SUN5: variants seen among roughly 807,000 people sequenced by gnomAD.
SUN5 encodes Sad1 and UNC84 domain containing 5.
A neutral mutation model predicts 53.7 loss-of-function variants in SUN5; 44 were observed. The observed-to-expected ratio is 0.82, with a 90% CI of 0.64 to 1.05. SUN5 has a LOEUF of 1.05. Among genes scored for constraint, SUN5 ranks in the 50% least tolerant of loss-of-function variants. The pLI is 0.00. For synonymous variants in SUN5, 166 were observed against 179.8 expected (o/e 0.92, Z 0.62); for missense variants, 433 against 483.8 (o/e 0.90, Z 0.98).
intron 8 of SUN5, among the ~76,000 whole-genome samples, chr20:32,994,617 G>A (rs1262316816): frequency 6.6e-6 from 1 of 152,182 alleles, no homozygotes; most frequent in Non-Finnish European, 1.5e-5. Context: ...TAAGAACTAA[G>A]GCTGGATGCA....
At chr20:32,987,600 C>T in intron 10 of SUN5, 60 bp downstream of exon 10, 1 of 1,320,848 alleles carries the variant, frequency 7.6e-7, no homozygotes, top group Non-Finnish European at 1.0e-6. Context: ...CAGCTCCTGT[C>T]CCCAAACCCT....
intron 1 of SUN5, among the ~76,000 whole-genome samples, chr20:33,004,030 C>T (rs67236797): frequency 0.17 from 25,145 of 152,238 alleles, 2,472 homozygotes; most frequent in Admixed American, 0.24. Context: ...TCCCCGTCCT[C>T]TGTGCATTTC....
chr20:33,003,292 G>C (rs1469833047), intron 1 of SUN5, among the ~76,000 whole-genome samples: 1 of 152,164 alleles, frequency 6.6e-6, no homozygotes, highest in African/African-American at 2.4e-5. Context: ...GTCTGCAGGG[G>C]TGAGGTAGGG....
intron 4 of SUN5, 72 bp downstream of exon 4, chr20:33,001,140 G>A (rs1374151860): frequency 6.7e-7 from 1 of 1,503,616 alleles, no homozygotes; most frequent in Non-Finnish European, 9.1e-7. Flanking sequence ...CCAAACTGAT[G>A]GAGGGGCTGT....
Position 33,001,231 on chromosome 20 carries a change from C to T in SUN5, c.259G>A (p.Val87Ile), listed in dbSNP as rs1338003872. The change falls in exon 4 of 13, where the codon GTT becomes ATT. Residue 87 changes from valine (V) to isoleucine (I), a missense_variant. Physicochemically the swap from Val to Ile is conservative, Grantham distance 29. Coordinates refer to ENST00000356173, the MANE Select transcript of SUN5 (RefSeq NM_080675.4). ...ACSLRTQAQQ[V>I]LFNTCRCKLL... The stretch of plus-strand genomic sequence containing the variant: ...GCTCACCTGCACGTGTTAAACAGAA[C>T]CTGCTGGGCCTGAGTTCTCAGGGAG... The T allele has an allele frequency of 1.8e-5, 28 of 1,576,216 alleles. No individual in the cohort carries two copies. Among genetic ancestry groups the T allele is most frequent in the Non-Finnish European group, 2.3e-5 (27 of 1,158,528 alleles).
chr20:32,988,157 G>T (rs1179477412), intron 9 of SUN5, among the ~76,000 whole-genome samples: 1 of 152,140 alleles, frequency 6.6e-6, no homozygotes, highest in Non-Finnish European at 1.5e-5. Flanking sequence ...ATCAGAGCAC[G>T]TTTCCCAAAG....
chr20:32,988,992 C>A (rs577834198), intron 9 of SUN5, among the ~76,000 whole-genome samples: 2 of 152,124 alleles, frequency 1.3e-5, no homozygotes, highest in African/African-American at 4.8e-5. Flanking sequence ...GTGGCGCGAT[C>A]TAGGCTCACT....
chr20:32,989,645 C>T lies in SUN5; in HGVS notation c.588G>A (p.Lys196=), dbSNP rs777464030. Residue 196 remains lysine (K), a synonymous_variant, in exon 9 of 13, where the codon AAG becomes AAA. Coordinates refer to ENST00000356173, the MANE Select transcript of SUN5 (RefSeq NM_080675.4). ...CTATAGACTTCAGGGCAAAGTCTGG[C>T]TTTTCGATGTAATCTCCGTGTATCA... The part of the protein sequence containing the change: ...MKMIHGDYIE[K]PDFALKSIGA... 5.6e-6 allele frequency: 9 copies of T among 1,614,054 alleles called. No homozygotes were observed. The highest frequency in any genetic ancestry group is 5.9e-6 in the Non-Finnish European group (7 of 1,180,008).
chr20:32,992,242 C>A (rs928945999), intron 8 of SUN5, among the ~76,000 whole-genome samples: 4 of 152,202 alleles, frequency 2.6e-5, no homozygotes, highest in African/African-American at 9.7e-5. Flanking sequence ...CCAAATATAT[C>A]TCCAGACATT....
At chr20:32,990,257 C>T (rs1334697287) in intron 8 of SUN5, among the ~76,000 whole-genome samples, 1 of 152,210 alleles carries the variant, frequency 6.6e-6, no homozygotes, top group Admixed American at 6.5e-5. Context: ...TGAGGCAGAG[C>T]GATCACTGTG....
intron 8 of SUN5, among the ~76,000 whole-genome samples, chr20:32,994,819 G>T (rs2146332017): frequency 6.8e-6 from 1 of 147,680 alleles, no homozygotes; most frequent in South Asian, 2.2e-4. Context: ...GAACCCAGGA[G>T]GCAGAGGTTG....
At chr20:32,992,959 C>A (rs145440407) in intron 8 of SUN5, among the ~76,000 whole-genome samples, 1 of 152,120 alleles carries the variant, frequency 6.6e-6, no homozygotes, top group East Asian at 1.9e-4. Context: ...TTCATGGGAG[C>A]GTAAATTGAA....
At chr20:33,004,142 G>C (rs1568972721) in intron 1 of SUN5, 122 bp downstream of exon 1, 1 of 1,070,178 alleles carries the variant, frequency 9.3e-7, no homozygotes, top group Non-Finnish European at 1.2e-6. Flanking sequence ...AACCTCTCTG[G>C]TCTTGGTGGC....
At position 32,989,679 on chromosome 20, in the gene SUN5, A is replaced by G; in HGVS notation, c.554T>C (p.Ile185Thr). Residue 185 changes from isoleucine to threonine, a missense_variant, in exon 9 of 13, where the codon ATA (isoleucine) becomes ACA (threonine). Coordinates refer to ENST00000356173, the MANE Select transcript of SUN5 (RefSeq NM_080675.4). ...MSDEQKMAQK[I>T]MKMIHGDYIE... ...GTAATCTCCGTGTATCATCTTCATT[A>G]TTTTCTGGGCCATTTTTTGCTGAAA... is the stretch of plus-strand genomic sequence containing the variant. 6.2e-7 allele frequency: 1 copy of G among 1,613,714 alleles called. No individual in the cohort carries two copies. Among genetic ancestry groups the G allele is most frequent in the South Asian group, 1.1e-5 (1 of 91,074 alleles).
rs1989460577 is a variant in SUN5, at chr20:32,983,888, G to A, written c.1046C>T (p.Pro349Leu). The change falls in exon 13 of 13, where the codon CCA becomes CTA. Residue 349 changes from proline to leucine, a missense_variant. By Grantham distance (98) the Pro-to-Leu change is moderately conservative (BLOSUM62 -3). Coordinates refer to ENST00000356173, the MANE Select transcript of SUN5 (RefSeq NM_080675.4). Reference protein sequence around the residue: ...KVKISSNWGNPGFTCLYRVRV... With the variant: ...KVKISSNWGNLGFTCLYRVRV... ...CACGCGGTACAGGCAAGTGAAGCCT[G>A]GGTTCCCCCAGTTGCTTGAGATCTT... is the stretch of plus-strand genomic sequence containing the variant. The A allele has an allele frequency of 6.3e-7, 1 of 1,599,800 alleles. No individual in the cohort carries two copies.
At chr20:32,988,680 C>A (rs1427435519) in intron 9 of SUN5, among the ~76,000 whole-genome samples, 2 of 151,778 alleles carry the variant, frequency 1.3e-5, no homozygotes, top group African/African-American at 4.8e-5. Context: ...CCTCCGTCCC[C>A]CAGGTTCAAA....
intron 4 of SUN5, among the ~76,000 whole-genome samples, chr20:33,000,678 C>G (rs57127127): frequency 6.6e-6 from 1 of 151,898 alleles, no homozygotes; most frequent in Non-Finnish European, 1.5e-5. Context: ...AACTCTGTCT[C>G]TACAAAAAAT....
At chr20:32,999,411 G>A (rs1989939130) in intron 5 of SUN5, among the ~76,000 whole-genome samples, 1 of 152,172 alleles carries the variant, frequency 6.6e-6, no homozygotes, top group Admixed American at 6.5e-5. Context: ...TGGCCAAGAT[G>A]ATGAAACCCC....
At chr20:32,985,235 A>G (rs781615597) in intron 11 of SUN5, 50 bp from the exon 12 acceptor site, 2 of 1,565,394 alleles carry the variant, frequency 1.3e-6, no homozygotes, top group Non-Finnish European at 1.8e-6. Context: ...CAGGGCCCTC[A>G]GAGGGTGTCT....
Sources: gnomAD v4.1 joint callset for allele counts (sites outside exome capture counted in the v4.1 genomes callset) on GRCh38, gnomAD v4.1.1 for gene constraint, MANE v1.5 for transcripts, NCBI Gene and HGNC (gene_info 2026-07-23, HGNC 2026-07-21) for gene names.